SAMD5: variants seen among roughly 807,000 people sequenced by gnomAD.
SAMD5 encodes sterile alpha motif domain containing 5, also known as sterile alpha motif domain-containing protein 5.
SAMD5 carries 13 observed loss-of-function variants against 11.3 expected under a neutral mutation model. That is an observed-to-expected ratio of 1.15 (90% confidence interval 0.75 to 1.83). The LOEUF is 1.83. Among genes scored for constraint, SAMD5 ranks in the 40% most tolerant of loss-of-function variants. The probability of loss-of-function intolerance (pLI) is 0.00; values close to 1 mark genes in which losing one functional copy is unlikely to be tolerated. For missense variants in SAMD5, 255 were observed against 239.1 expected (o/e 1.07, Z -0.44); for synonymous variants, 129 against 111.3 (o/e 1.16, Z -1.00).
At chr6:147,786,887 G>A in the SAMD5 span, among the ~76,000 whole-genome samples, 1 of 152,170 alleles carries the variant, frequency 6.6e-6, no homozygotes, top group Non-Finnish European at 1.5e-5. Flanking sequence ...GGCATGACCA[G>A]CCACACTCTG....
chr6:147,688,146 C>T (rs1791045545), intron 1 of SAMD5, among the ~76,000 whole-genome samples: 2 of 151,574 alleles, frequency 1.3e-5, no homozygotes, highest in Admixed American at 1.3e-4. Context: ...TTCCTTCTTT[C>T]TTTTTTTTAG....
chr6:147,731,652 C>CAAAAAAAAA (rs4052655), intron 1 of SAMD5, among the ~76,000 whole-genome samples: 1 of 90,128 alleles, frequency 1.1e-5, no homozygotes, highest in Non-Finnish European at 2.0e-5. Flanking sequence ...CTGGCCACTA[C>CAAAAAAAAA]AAAAAAAAAA....
At chr6:147,556,356 T>G (rs932926256) in intron 1 of SAMD5, among the ~76,000 whole-genome samples, 1 of 152,196 alleles carries the variant, frequency 6.6e-6, no homozygotes, top group Non-Finnish European at 1.5e-5. Context: ...CCTCCCAAAG[T>G]GCTGGGATTA....
At chr6:147,877,095 T>C in the SAMD5 span, among the ~76,000 whole-genome samples, 1 of 152,098 alleles carries the variant, frequency 6.6e-6, no homozygotes. Context: ...AAAAAAATCA[T>C]TGATAAGGAT....
At chr6:147,516,719 T>C (rs1309358669) in intron 1 of SAMD5, among the ~76,000 whole-genome samples, 1 of 152,222 alleles carries the variant, frequency 6.6e-6, no homozygotes, top group Non-Finnish European at 1.5e-5. Flanking sequence ...ACAGCATCCA[T>C]GTCTGCCACT....
intron 1 of SAMD5, chr6:147,730,137 G>C (rs1364060208): frequency 2.4e-6 from 1 of 425,384 alleles, no homozygotes. Context: ...ACAGCAGAGT[G>C]AAAGAGAGGG....
At chr6:147,859,939 A>G in the SAMD5 span, among the ~76,000 whole-genome samples, 1,795 of 152,310 alleles carry the variant, frequency 0.012, 19 homozygotes, top group South Asian at 0.026. Context: ...TCAGTTTTCT[A>G]TTATGCAAAT....
In SAMD5 at chr6:147,565,208, C is replaced by G. The variant is rs911980402; in HGVS notation, c.*752C>G. ...AGCTATTTTACTTCATAGCTAGTTT[C>G]TTGCACTCTGTGGAGACTGCCAGGG... On this transcript the variant is annotated 3_prime_UTR_variant, in exon 2 of 2. Transcript: ENST00000367474. The G allele has an allele frequency of 2.0e-6, 2 of 985,790 alleles. No homozygotes were observed. Among genetic ancestry groups the G allele is most frequent in the Admixed American group, 1.2e-4 (2 of 16,268 alleles). The allele number at this position is 985,790 out of a possible 1,614,324, so 61.1% of individuals were successfully genotyped here.
intron 1 of SAMD5, among the ~76,000 whole-genome samples, chr6:147,700,329 G>A (rs1473418622): frequency 6.6e-6 from 1 of 152,178 alleles, no homozygotes; most frequent in East Asian, 1.9e-4. Context: ...CTGAGGCTTT[G>A]TGTTATTAGA....
intron 1 of SAMD5, among the ~76,000 whole-genome samples, chr6:147,624,311 C>G (rs1161094137): frequency 1.3e-5 from 2 of 152,100 alleles, no homozygotes; most frequent in Admixed American, 6.5e-5. Context: ...TCCCCCACCC[C>G]ACCCCCATCC....
the SAMD5 span, among the ~76,000 whole-genome samples, chr6:147,940,793 C>G: frequency 2.0e-5 from 3 of 152,072 alleles, no homozygotes; most frequent in African/African-American, 7.2e-5. Context: ...GAAACCCCGT[C>G]TCTACTAAAA....
At chr6:147,715,035 T>G (rs1261928839) in intron 1 of SAMD5, among the ~76,000 whole-genome samples, 1 of 152,208 alleles carries the variant, frequency 6.6e-6, no homozygotes, top group African/African-American at 2.4e-5. Context: ...GGTTATCTTC[T>G]TGGCATGAGG....
chr6:147,828,009 A>G, the SAMD5 span, among the ~76,000 whole-genome samples: 1 of 151,230 alleles, frequency 6.6e-6, no homozygotes, highest in African/African-American at 2.4e-5. Context: ...CGTGGTCTCG[A>G]TCTCCTGACC....
intron 1 of SAMD5, among the ~76,000 whole-genome samples, chr6:147,616,248 AT>A (rs1319099762): frequency 0.12 from 16,006 of 131,368 alleles, 2,768 homozygotes; most frequent in African/African-American, 0.37. Flanking sequence ...CTTCATATAT[AT>A]TTATTCATAT....
the SAMD5 span, among the ~76,000 whole-genome samples, chr6:147,951,913 A>T: frequency 6.6e-6 from 1 of 152,230 alleles, no homozygotes; most frequent in African/African-American, 2.4e-5. Context: ...TTCCTGCCAC[A>T]TCGGGATACA....
intron 1 of SAMD5, chr6:147,692,382 T>G (rs906699879): frequency 9.8e-5 from 15 of 152,338 alleles, no homozygotes; most frequent in East Asian, 1.9e-4. Flanking sequence ...CTGTAGAATG[T>G]ATTTTCTCTT....
At chr6:147,951,940 G>T in the SAMD5 span, among the ~76,000 whole-genome samples, 4 of 152,148 alleles carry the variant, frequency 2.6e-5, no homozygotes, top group African/African-American at 4.8e-5. Flanking sequence ...ACCATTTAAC[G>T]CAGGGGGGCC....
At chr6:147,904,702 G>A in the SAMD5 span, among the ~76,000 whole-genome samples, 106 of 152,240 alleles carry the variant, frequency 7.0e-4, no homozygotes, top group African/African-American at 2.4e-3. Flanking sequence ...TAAGGAGCCT[G>A]GGACTCTTGA....
intron 1 of SAMD5, among the ~76,000 whole-genome samples, chr6:147,634,676 G>C (rs1230603419): frequency 6.6e-6 from 1 of 152,226 alleles, no homozygotes; most frequent in African/African-American, 2.4e-5. Flanking sequence ...TTTGAAGGAG[G>C]GATTTTACCC....
Sources: allele counts gnomAD v4.1 joint callset (sites outside exome capture counted in the v4.1 genomes callset), GRCh38; gene constraint gnomAD v4.1.1; transcripts MANE v1.5; gene names NCBI Gene and HGNC (gene_info 2026-07-23, HGNC 2026-07-21).